Variants in UNC13C observed in about 807,000 individuals in gnomAD.
UNC13C encodes unc-13 homolog C.
Under a neutral mutation model 245.4 loss-of-function variants are expected in UNC13C, and 174 were observed. The ratio of observed to expected loss-of-function variants is 0.71; its 90% confidence interval spans 0.63 to 0.80. The LOEUF is 0.80. UNC13C is among the 30% of genes least tolerant of loss of function. The pLI is 0.00. For synonymous variants in UNC13C, 992 were observed against 895.1 expected (o/e 1.11, Z -1.93); for missense variants, 2,829 against 2,602.9 (o/e 1.09, Z -1.89).
At chr15:54,083,055 G>T (rs1410674309) in intron 2 of UNC13C, among the ~76,000 whole-genome samples, 1 of 152,074 alleles carries the variant, frequency 6.6e-6, no homozygotes, top group Non-Finnish European at 1.5e-5. Context: ...CCAGTAGGTG[G>T]CAATGAAGAG....
At chr15:54,469,622 C>T (rs1158327598) in intron 19 of UNC13C, among the ~76,000 whole-genome samples, 3 of 151,660 alleles carry the variant, frequency 2.0e-5, no homozygotes, top group African/African-American at 7.2e-5. Context: ...ATGCCTAATA[C>T]AATGCCAACA....
intron 4 of UNC13C, among the ~76,000 whole-genome samples, chr15:54,213,251 T>C (rs537974392): frequency 2.4e-3 from 369 of 152,124 alleles, no homozygotes; most frequent in South Asian, 5.8e-3. Flanking sequence ...ACTTTAAAAC[T>C]TTTAAAAATG....
chr15:54,061,153 T>A (rs1270958959), intron 2 of UNC13C, among the ~76,000 whole-genome samples: 1 of 148,610 alleles, frequency 6.7e-6, no homozygotes, highest in African/African-American at 2.5e-5. Context: ...ATTTAAAAAA[T>A]AAAAAAGACA....
In UNC13C at chr15:54,013,210, C is replaced by T; in HGVS notation, c.307C>T (p.Gln103Ter). Reference sequence around the variant, plus strand: ...CCGAGTAGCTATTGCCAATGGCCTACAAAAGAATGCTAAAGTAACCAACAG... The same window carrying T: ...CCGAGTAGCTATTGCCAATGGCCTATAAAAGAATGCTAAAGTAACCAACAG... Reference protein sequence around the residue: ...SYRVAIANGLQKNAKVTNSDN... With the variant: ...SYRVAIANGL The change falls in exon 2 of 33, where the codon CAA becomes TAA. Residue 103 changes from glutamine (Q) to a stop codon, truncating the protein, a stop_gained. Coordinates refer to ENST00000260323, the MANE Select transcript of UNC13C (RefSeq NM_001080534.3). LOFTEE classifies it high-confidence loss of function. 1.2e-6 allele frequency: 2 copies of T among 1,613,728 alleles called. No homozygotes were observed. The highest frequency in any genetic ancestry group is 1.7e-6 in the Non-Finnish European group (2 of 1,179,822).
chr15:54,632,111 G>A (rs1944043568), downstream of UNC13C: 1 of 152,080 alleles, frequency 6.6e-6, no homozygotes, highest in African/African-American at 2.4e-5. Context: ...ATCTCTGTGT[G>A]TGCTTATTTG....
chr15:54,469,524 C>T (rs1041037626), intron 19 of UNC13C, among the ~76,000 whole-genome samples: 4 of 151,472 alleles, frequency 2.6e-5, no homozygotes, highest in Non-Finnish European at 4.4e-5. Context: ...TGTGCATGTT[C>T]AATCCCCTTA....
At chr15:53,991,959 G>A (rs1448507755) in intron 1 of UNC13C, among the ~76,000 whole-genome samples, 1 of 151,942 alleles carries the variant, frequency 6.6e-6, no homozygotes, top group East Asian at 1.9e-4. Flanking sequence ...GAATATTCTT[G>A]GCTGATAGGT....
At chr15:54,113,963 G>C (rs748811287) in intron 2 of UNC13C, among the ~76,000 whole-genome samples, 2 of 152,180 alleles carry the variant, frequency 1.3e-5, no homozygotes, top group Non-Finnish European at 2.9e-5. Flanking sequence ...TATTACAACA[G>C]TCTAGTAGAT....
the UNC13C span, among the ~76,000 whole-genome samples, chr15:53,946,167 T>A: frequency 6.6e-6 from 1 of 152,192 alleles, no homozygotes; most frequent in Non-Finnish European, 1.5e-5. Context: ...AGTTATAGAA[T>A]CACGTCTACA....
chr15:54,111,216 T>C (rs1245961689), intron 2 of UNC13C, among the ~76,000 whole-genome samples: 1 of 152,204 alleles, frequency 6.6e-6, no homozygotes, highest in African/African-American at 2.4e-5. Flanking sequence ...AAGGCTCCCA[T>C]ATGTCTTCCT....
intron 1 of UNC13C, among the ~76,000 whole-genome samples, 103 bp from the exon 2 acceptor site, chr15:54,012,545 T>G (rs1350001331): frequency 1.3e-5 from 2 of 152,236 alleles, no homozygotes; most frequent in Non-Finnish European, 2.9e-5. Context: ...TCCTCTGCAA[T>G]TTTTCACACA....
At chr15:53,843,114 A>C in the UNC13C span, among the ~76,000 whole-genome samples, 2 of 152,038 alleles carry the variant, frequency 1.3e-5, no homozygotes, top group Non-Finnish European at 2.9e-5. Flanking sequence ...TAATATTTCT[A>C]TTTCTGAACA....
chr15:54,067,315 C>G (rs894589917), intron 2 of UNC13C, among the ~76,000 whole-genome samples: 2 of 152,066 alleles, frequency 1.3e-5, no homozygotes, highest in African/African-American at 4.8e-5. Context: ...AACAGTGTAT[C>G]TTTTAGGTTG....
At chr15:53,989,994 G>A (rs181015905) in intron 1 of UNC13C, among the ~76,000 whole-genome samples, 134 of 152,048 alleles carry the variant, frequency 8.8e-4, no homozygotes, top group African/African-American at 2.2e-3. Flanking sequence ...TTATTCCTAA[G>A]CAGGTTAAAG....
At chr15:54,059,749 G>A (rs184581229) in intron 2 of UNC13C, among the ~76,000 whole-genome samples, 12 of 152,248 alleles carry the variant, frequency 7.9e-5, no homozygotes, top group Non-Finnish European at 1.3e-4. Flanking sequence ...AAACAGCATG[G>A]TACTGGTACC....
chr15:54,622,443 C>G (rs1409564261), intron 31 of UNC13C, 24 bp downstream of exon 31: 1 of 1,549,294 alleles, frequency 6.5e-7, no homozygotes. Flanking sequence ...CTAGATAAAT[C>G]AAAACAGCCT....
At chr15:53,952,605 G>A in the UNC13C span, among the ~76,000 whole-genome samples, 2 of 152,138 alleles carry the variant, frequency 1.3e-5, no homozygotes, top group African/African-American at 2.4e-5. Context: ...CATGGACTTC[G>A]TAATTTAATT....
the UNC13C span, among the ~76,000 whole-genome samples, chr15:53,856,111 T>C: frequency 6.6e-6 from 1 of 152,186 alleles, no homozygotes; most frequent in Admixed American, 6.5e-5. Context: ...TGATTGCTTG[T>C]ATTTCTGTGG....
chr15:54,127,451 A>G (rs1032942956), intron 2 of UNC13C, among the ~76,000 whole-genome samples: 5 of 152,116 alleles, frequency 3.3e-5, no homozygotes, highest in African/African-American at 1.2e-4. Context: ...AAACTAACAC[A>G]GGAACAGAAA....
Sources: gnomAD v4.1 joint callset for allele counts (sites outside exome capture counted in the v4.1 genomes callset) on GRCh38, gnomAD v4.1.1 for gene constraint, MANE v1.5 for transcripts, NCBI Gene and HGNC (gene_info 2026-07-23, HGNC 2026-07-21) for gene names.